Variants in IL12RB1 observed in about 807,000 individuals in gnomAD.
The protein encoded by IL12RB1 is interleukin-12 receptor subunit beta-1.
Under a neutral mutation model 94.4 loss-of-function variants are expected in IL12RB1, and 64 were observed. That is an observed-to-expected ratio of 0.68 (90% CI 0.55 to 0.83). IL12RB1 has a LOEUF of 0.83. IL12RB1 is among the 40% of genes least tolerant of loss of function. IL12RB1 has a pLI of 0.00. For synonymous variants in IL12RB1, 362 were observed against 355.5 expected, an observed-to-expected ratio of 1.02 and a Z score of -0.21; for missense variants, 814 against 855.6, an observed-to-expected ratio of 0.95 and a Z score of 0.61.
intron 7 of IL12RB1, among the ~76,000 whole-genome samples, 175 bp downstream of exon 7, chr19:18,075,574 T>G (rs966192714): frequency 6.6e-6 from 1 of 152,142 alleles, no homozygotes; most frequent in Non-Finnish European, 1.5e-5. Flanking sequence ...TTTTATTTTA[T>G]TTTTTAGAGA....
Position 18,069,584 on chromosome 19 carries a change from C to T in IL12RB1, c.1151G>A (p.Ser384Asn), listed in dbSNP as rs751410991. The T allele has an allele frequency of 6.2e-7, 1 of 1,612,104 alleles. No homozygotes were observed. Among genetic ancestry groups the T allele is most frequent in the South Asian group, 1.1e-5 (1 of 91,090 alleles). ...ATCCGGGTCTTGCGGCGCAGTCAGG[C>T]TGCAGGTGGCAAGGCCCCCGTCCTG... ...VGQDGGLATC[S>N]LTAPQDPDPA... The change falls in exon 10 of 17, where the codon AGC becomes AAC. Residue 384 changes from serine (S) to asparagine (N), a missense_variant. By Grantham distance (46) the Ser-to-Asn change is conservative. Transcript: ENST00000593993.
Position 18,062,198 on chromosome 19 carries a change from G to A in IL12RB1, c.1698C>T (p.Gly566=). Residue 566 remains glycine, a synonymous_variant, in exon 14 of 17, where the codon GGC becomes GGT. Transcript: ENST00000593993. ...FLSILLVGVL[G]YLGLNRAARH... ...TCAGTTACCTGTTCAGGCCAAGGTA[G>A]CCAAGGACGCCCACGAGAAGGATGC... The A allele has an allele frequency of 6.2e-7, 1 of 1,612,078 alleles. No individual in the cohort carries two copies. Among genetic ancestry groups the A allele is most frequent in the Non-Finnish European group, 8.5e-7 (1 of 1,178,300 alleles).
intron 2 of IL12RB1, 149 bp from the exon 3 acceptor site, chr19:18,082,413 CA>C (rs1220847931): frequency 1.0e-5 from 7 of 679,434 alleles, no homozygotes; most frequent in Non-Finnish European, 1.6e-5. Flanking sequence ...TGCCGTCTCT[CA>C]CCTCAACCTA....
chr19:18,081,637 A>G (rs1568516186), intron 3 of IL12RB1, among the ~76,000 whole-genome samples: 1 of 151,842 alleles, frequency 6.6e-6, no homozygotes, highest in South Asian at 2.1e-4. Context: ...CCTGGCCAAC[A>G]TGGTGAGACT....
At chr19:18,065,540 C>A (rs568355441) in intron 12 of IL12RB1, among the ~76,000 whole-genome samples, 1 of 151,802 alleles carries the variant, frequency 6.6e-6, no homozygotes, top group Non-Finnish European at 1.5e-5. Flanking sequence ...TGAGCGAGGC[C>A]GGACACGGTG....
At chr19:18,087,024 G>A (rs1161370571), upstream of IL12RB1, 23 of 1,122,298 alleles carry the variant, frequency 2.0e-5, no homozygotes, top group Middle Eastern at 1.1e-3. Flanking sequence ...AGTCAGCTCC[G>A]TGGTGGTGGT....
intron 9 of IL12RB1, among the ~76,000 whole-genome samples, chr19:18,071,774 C>T (rs181115266): frequency 4.2e-4 from 64 of 152,144 alleles, no homozygotes; most frequent in East Asian, 2.1e-3. Flanking sequence ...TGGGTTCAAG[C>T]GATTCTCCTG....
In IL12RB1 at chr19:18,062,194, G is replaced by A. The variant is rs551527696; in HGVS notation, c.1702C>T (p.Leu568Phe). 1.2e-6 allele frequency: 2 copies of A among 1,611,010 alleles called. No homozygotes were observed. The highest frequency in any genetic ancestry group is 2.7e-5 in the African/African-American group (2 of 74,980). ...SILLVGVLGYLGLNRAARHLC... is the reference protein window; with the variant it reads ...SILLVGVLGYFGLNRAARHLC... Reference sequence around the variant, plus strand: ...GGTGTCAGTTACCTGTTCAGGCCAAGGTAGCCAAGGACGCCCACGAGAAGG... The same window carrying A: ...GGTGTCAGTTACCTGTTCAGGCCAAAGTAGCCAAGGACGCCCACGAGAAGG... The change falls in exon 14 of 17, where the codon CTT (leucine) becomes TTT (phenylalanine). Residue 568 changes from leucine (L) to phenylalanine (F), a missense_variant. Transcript: ENST00000593993.
chr19:18,086,242 A>G, intron 1 of IL12RB1, among the ~76,000 whole-genome samples: 1 of 148,106 alleles, frequency 6.8e-6, no homozygotes, highest in East Asian at 2.1e-4. Context: ...ATAAATAAAT[A>G]AATAAATAAA....
rs1464297685 is a variant in IL12RB1 at position 18,077,580 on chromosome 19, G to C, written c.485C>G (p.Pro162Arg). 4 of 1,607,944 alleles carry C rather than the reference G, an allele frequency of 2.5e-6. No individual in the cohort carries two copies. Among genetic ancestry groups the C allele is most frequent in the Non-Finnish European group, 2.6e-6 (3 of 1,174,640 alleles). The stretch of plus-strand genomic sequence containing the variant: ...CACCTCAGCACCAACCTGGTTATCC[G>C]GGGTCTCCCACTCCATACGCAGCTG... ...AGQLRMEWETPDNQVGAEVQF... is the reference protein window; with the variant it reads ...AGQLRMEWETRDNQVGAEVQF... Residue 162 changes from proline (P) to arginine (R), a missense_variant, in exon 5 of 17, where the codon CCG becomes CGG. Physicochemically the swap from Pro to Arg is moderately radical, Grantham distance 103. Coordinates refer to ENST00000593993, the MANE Select transcript of IL12RB1 (RefSeq NM_005535.3).
upstream of IL12RB1, among the ~76,000 whole-genome samples, chr19:18,089,232 G>A (rs537569823): frequency 3.0e-4 from 45 of 152,090 alleles, no homozygotes; most frequent in Non-Finnish European, 6.0e-4. Flanking sequence ...TGTATGCGGG[G>A]TTTCCTTTTG....
rs1481870578 is a variant in IL12RB1, at chr19:18,066,019, C to G, written c.1483+523G>C. Among the ~76,000 whole-genome samples, 20 of 143,174 alleles carry G rather than the reference C, an allele frequency of 1.4e-4. No individual in the cohort carries two copies. In the East Asian group the frequency reaches 3.7e-3, roughly 26 times the overall value. 93.9% of individuals were successfully genotyped at this position (143,174 alleles called of 152,430 possible). A position where few individuals can be genotyped will look rare whatever the true frequency, so the allele number is the denominator to read the frequency against. On this transcript the variant is annotated intron_variant, in intron 12 of 16. Coordinates refer to ENST00000593993, the MANE Select transcript of IL12RB1 (RefSeq NM_005535.3). ...GCACCACTGCACTCCAGCCTGGGCA[C>G]AGAGTGAGTCCCTGTCTATAAAATT...
chr19:18,072,013 T>A lies in IL12RB1; in HGVS notation c.1021+99A>T, dbSNP rs1377580517. On this transcript the variant is annotated intron_variant, in intron 9 of 16. Coordinates refer to ENST00000593993, the MANE Select transcript of IL12RB1 (RefSeq NM_005535.3). ...CCTAAATCAGGCACTCCTTTAAAAT[T>A]TTCTGCCTCGCTCCTCTCACCCTGG... 1.5e-5 allele frequency: 13 copies of A among 839,398 alleles called. No individual in the cohort carries two copies. The East Asian group carries it at 3.0e-4, about 19-fold the overall frequency. The allele number at this position is 839,398 out of a possible 1,614,324, so 52.0% of individuals were successfully genotyped here. A position where few individuals can be genotyped will look rare whatever the true frequency, so the allele number is the denominator to read the frequency against.
intron 2 of IL12RB1, 119 bp downstream of exon 2, chr19:18,083,313 G>C: frequency 2.0e-6 from 2 of 977,402 alleles, no homozygotes; most frequent in Non-Finnish European, 3.3e-6. Flanking sequence ...GGACTCCCAA[G>C]ACCACAGGCA....
At chr19:18,072,945 T>C (rs1382730262) in intron 8 of IL12RB1, among the ~76,000 whole-genome samples, 2 of 69,822 alleles carry the variant, frequency 2.9e-5, no homozygotes, top group African/African-American at 1.1e-4. Context: ...AGACTCCATC[T>C]CAAAAAAAAA....
intron 12 of IL12RB1, among the ~76,000 whole-genome samples, chr19:18,065,031 C>G (rs1568489191): frequency 6.6e-6 from 1 of 152,184 alleles, no homozygotes; most frequent in Non-Finnish European, 1.5e-5. Context: ...TAAACCGCCC[C>G]TTCATTTGCA....
In IL12RB1 at chr19:18,062,292, C is replaced by A. The variant is rs757276392; in HGVS notation, c.1619-15G>T. 9 of 1,564,762 alleles carry A rather than the reference C, an allele frequency of 5.8e-6. No homozygotes were observed. Among genetic ancestry groups the A allele is most frequent in the Non-Finnish European group, 6.1e-6 (7 of 1,138,402 alleles). ...AACCTGCACTTCTGAGGTGGGAGAG[C>A]GTGGGTTGGCAGAGGGCTACCTCCT... On this transcript the variant is annotated splice_polypyrimidine_tract_variant and intron_variant, in intron 13 of 16. Coordinates refer to ENST00000593993, the MANE Select transcript of IL12RB1 (RefSeq NM_005535.3).
At chr19:18,070,974 C>T in intron 9 of IL12RB1, 1 of 167,168 alleles carries the variant, frequency 6.0e-6, no homozygotes, top group South Asian at 1.3e-4. Context: ...CAGTGGCTCA[C>T]ACCTGTAATC....
At position 18,072,346 on chromosome 19, in the gene IL12RB1, T is replaced by C. The variant is rs1449349991; in HGVS notation, c.787A>G (p.Thr263Ala). ...RRRLTLKEQP[T>A]QLELPEGCQG... is the part of the protein sequence containing the mutation. ...CAGCCTTCTGGAAGCTCCAGCTGGGTTGGCTGTCAGGAGTATGAAAGACAG... is the reference window on the plus strand; with the variant it reads ...CAGCCTTCTGGAAGCTCCAGCTGGGCTGGCTGTCAGGAGTATGAAAGACAG... Residue 263 changes from threonine (T) to alanine (A), a missense_variant, in exon 9 of 17, where the codon ACC becomes GCC. Coordinates refer to ENST00000593993, the MANE Select transcript of IL12RB1 (RefSeq NM_005535.3). The C allele has an allele frequency of 6.2e-6, 10 of 1,612,070 alleles. No individual in the cohort carries two copies. Among genetic ancestry groups the C allele is most frequent in the Non-Finnish European group, 8.5e-6 (10 of 1,178,280 alleles).
Sources: allele counts gnomAD v4.1 joint callset (sites outside exome capture counted in the v4.1 genomes callset), GRCh38; gene constraint gnomAD v4.1.1; transcripts MANE v1.5; gene names NCBI Gene and HGNC (gene_info 2026-07-23, HGNC 2026-07-21).